The following THSD7B variants were observed in gnomAD, a reference collection of about 807,000 sequenced individuals.
The protein encoded by THSD7B is thrombospondin type-1 domain-containing protein 7B.
THSD7B carries 138 observed loss-of-function variants against 213.6 expected under a neutral mutation model. That is an observed-to-expected ratio of 0.65 (90% CI 0.56 to 0.74). The LOEUF is 0.74. THSD7B is among the 30% of genes least tolerant of loss of function. The pLI is 0.00. For synonymous variants in THSD7B, 742 were observed against 687.0 expected (o/e 1.08, Z -1.25); for missense variants, 1,931 against 1,991.5 (o/e 0.97, Z 0.58).
At chr2:137,089,344 A>G (rs1008654074) in intron 3 of THSD7B, among the ~76,000 whole-genome samples, 1 of 148,126 alleles carries the variant, frequency 6.8e-6, no homozygotes, top group Middle Eastern at 3.5e-3. Flanking sequence ...ATATGTATAT[A>G]TACATATATG....
At chr2:136,925,555 G>A (rs1470771922) in intron 2 of THSD7B, among the ~76,000 whole-genome samples, 2 of 152,108 alleles carry the variant, frequency 1.3e-5, no homozygotes, top group African/African-American at 2.4e-5. Context: ...CTTTTAATGT[G>A]CTGTTGAATT....
rs768945123 is a variant in THSD7B at position 137,232,949 on chromosome 2, A to C, written c.1966A>C (p.Asn656His). 7 of 1,613,800 alleles carry C rather than the reference A, an allele frequency of 4.3e-6. No individual in the cohort carries two copies. In the African/African-American group the frequency reaches 8.0e-5, roughly 18 times the overall value. Residue 656 changes from asparagine (N) to histidine (H), a missense_variant, in exon 9 of 28, where the codon AAT becomes CAT. By Grantham distance (68) the Asn-to-His change is moderately conservative. Coordinates refer to ENST00000409968, the MANE Select transcript of THSD7B (RefSeq NM_001316349.2). ...GGCTCTCCAAGAGCATCGTTTGTGT[A>C]ATGACCATTCCTGTATGCAGCTTCA... is the stretch of plus-strand genomic sequence containing the variant. ...SQALQEHRLC[N>H]DHSCMQLHWE...
At chr2:137,533,168 G>T (rs1680432266) in intron 15 of THSD7B, among the ~76,000 whole-genome samples, 1 of 151,758 alleles carries the variant, frequency 6.6e-6, no homozygotes, top group South Asian at 2.1e-4. Context: ...CTGCGTTTGA[G>T]TATAAATAAT....
In THSD7B at chr2:137,056,359, T is replaced by TA. The variant is rs1687162213; in HGVS notation, c.140-60dup. On this transcript the variant is annotated intron_variant, in intron 2 of 27. Coordinates refer to ENST00000409968, the MANE Select transcript of THSD7B (RefSeq NM_001316349.2). ...GAAAGTGTGTTAATTGACTTCTACT[T>TA]ACCTGTGAATTGCTGAATGTAATCT... is the stretch of plus-strand genomic sequence containing the variant. The TA allele has an allele frequency of 4.6e-6, 7 of 1,511,186 alleles. No individual in the cohort carries two copies. The East Asian group carries it at 1.6e-4, about 34-fold the overall frequency. The allele number at this position is 1,511,186 out of a possible 1,614,324, so 93.6% of individuals were successfully genotyped here. A position where few individuals can be genotyped will look rare whatever the true frequency, so the allele number is the denominator to read the frequency against.
At chr2:137,382,516 A>C (rs899324367) in intron 12 of THSD7B, among the ~76,000 whole-genome samples, 1 of 152,216 alleles carries the variant, frequency 6.6e-6, no homozygotes, top group Non-Finnish European at 1.5e-5. Flanking sequence ...GGAGCTGAGC[A>C]CCAGTATTCC....
At chr2:137,477,223 A>G (rs1435747631) in intron 15 of THSD7B, among the ~76,000 whole-genome samples, 1 of 152,126 alleles carries the variant, frequency 6.6e-6, no homozygotes, top group Non-Finnish European at 1.5e-5. Context: ...TACAATTATT[A>G]TATCTTCTTG....
At chr2:137,045,241 T>A (rs2104865700) in intron 2 of THSD7B, among the ~76,000 whole-genome samples, 1 of 152,306 alleles carries the variant, frequency 6.6e-6, no homozygotes, top group East Asian at 1.9e-4. Flanking sequence ...AGCTAACACT[T>A]TATGACTCCT....
rs181376099 is a variant in THSD7B, at chr2:137,545,501, C to A, written c.3139-17720C>A. Among the ~76,000 whole-genome samples the A allele has an allele frequency of 6.2e-3, 948 of 151,892 alleles. 5 individuals are homozygous for A. Among genetic ancestry groups the A allele is most frequent in the Non-Finnish European group, 9.5e-3 (643 of 67,858 alleles). Reference sequence around the variant, plus strand: ...AAATGAAGCCACCCCCGAAGAGGACCACATTATCAATTTAATAGAACCCAA... The same window carrying A: ...AAATGAAGCCACCCCCGAAGAGGACAACATTATCAATTTAATAGAACCCAA... On this transcript the variant is annotated intron_variant, in intron 15 of 27. Coordinates refer to ENST00000409968, the MANE Select transcript of THSD7B (RefSeq NM_001316349.2).
At chr2:136,909,389 A>G (rs550495482) in intron 2 of THSD7B, among the ~76,000 whole-genome samples, 5 of 152,298 alleles carry the variant, frequency 3.3e-5, no homozygotes, top group African/African-American at 1.2e-4. Flanking sequence ...ACTTTCCTTT[A>G]TCCAAAGATA....
chr2:137,371,088 A>G (rs544776834), intron 12 of THSD7B, among the ~76,000 whole-genome samples: 1 of 152,216 alleles, frequency 6.6e-6, no homozygotes, highest in South Asian at 2.1e-4. Context: ...TCAGTGACAT[A>G]TTTCTGTAAA....
At chr2:137,409,079 C>T (rs1414370024) in intron 13 of THSD7B, among the ~76,000 whole-genome samples, 2 of 152,144 alleles carry the variant, frequency 1.3e-5, no homozygotes, top group Non-Finnish European at 1.5e-5. Flanking sequence ...CATATAGGTC[C>T]TTGATGACCC....
At chr2:137,455,562 A>G (rs147445688) in intron 15 of THSD7B, among the ~76,000 whole-genome samples, 27 of 152,284 alleles carry the variant, frequency 1.8e-4, no homozygotes, top group African/African-American at 6.0e-4. Flanking sequence ...ACCTATCACC[A>G]TGATAGCTCT....
chr2:137,491,354 A>C (rs958136693), intron 15 of THSD7B, among the ~76,000 whole-genome samples: 1 of 152,230 alleles, frequency 6.6e-6, no homozygotes, highest in African/African-American at 2.4e-5. Flanking sequence ...CAGGAATTAT[A>C]GGTGTGGCCA....
At chr2:136,965,022 A>AAG (rs1248570150) in intron 2 of THSD7B, among the ~76,000 whole-genome samples, 1 of 151,832 alleles carries the variant, frequency 6.6e-6, no homozygotes, top group East Asian at 1.9e-4. Flanking sequence ...AAAAAAAAAA[A>AAG]AAAAAAAGGG....
At position 137,256,529 on chromosome 2, in the gene THSD7B, G is replaced by T. The variant is rs1573915341; in HGVS notation, c.2266+13957G>T. On this transcript the variant is annotated intron_variant, in intron 10 of 27. Coordinates refer to ENST00000409968, the MANE Select transcript of THSD7B (RefSeq NM_001316349.2). Reference sequence around the variant, plus strand: ...CTTTGTAACTGAATGAATTACAGGTGGCTAATGATGCTTGGGATACACAAC... The same window carrying T: ...CTTTGTAACTGAATGAATTACAGGTTGCTAATGATGCTTGGGATACACAAC... Among the ~76,000 whole-genome samples the T allele has an allele frequency of 2.0e-5, 3 of 152,144 alleles. No individual in the cohort carries two copies. The East Asian group carries it at 5.8e-4, about 29-fold the overall frequency.
At chr2:137,343,523 T>C (rs1684807996) in intron 12 of THSD7B, among the ~76,000 whole-genome samples, 1 of 151,650 alleles carries the variant, frequency 6.6e-6, no homozygotes, top group African/African-American at 2.4e-5. Context: ...TGAACAGGGT[T>C]TTTCAACATA....
At chr2:137,232,860 C>G in intron 8 of THSD7B, 39 bp from the exon 9 acceptor site, 1 of 1,588,460 alleles carries the variant, frequency 6.3e-7, no homozygotes, top group East Asian at 2.2e-5. Flanking sequence ...ACAAGAACAG[C>G]AACCACTATG....
intron 3 of THSD7B, among the ~76,000 whole-genome samples, chr2:137,074,207 T>C: frequency 6.6e-6 from 1 of 152,058 alleles, no homozygotes; most frequent in East Asian, 1.9e-4. Context: ...CCATTATTAA[T>C]GTGTGGGAGT....
intron 2 of THSD7B, among the ~76,000 whole-genome samples, chr2:137,009,623 A>G (rs1686186099): frequency 6.6e-6 from 1 of 152,166 alleles, no homozygotes; most frequent in African/African-American, 2.4e-5. Flanking sequence ...CAGACAAGAG[A>G]GAATGAAAAC....
Sources: gnomAD v4.1 joint callset for allele counts (sites outside exome capture counted in the v4.1 genomes callset) on GRCh38, gnomAD v4.1.1 for gene constraint, MANE v1.5 for transcripts, NCBI Gene and HGNC (gene_info 2026-07-23, HGNC 2026-07-21) for gene names.